Variants in DMXL2 observed in about 807,000 individuals in gnomAD.
DMXL2 encodes the protein dmX-like protein 2.
A neutral mutation model predicts 331.1 loss-of-function variants in DMXL2; 103 were observed. The ratio of observed to expected loss-of-function variants is 0.31; its 90% CI spans 0.27 to 0.37. The LOEUF (loss-of-function observed/expected upper bound fraction) is 0.37. DMXL2 is among the 10% of genes least tolerant of loss of function. The pLI is 1.00. For synonymous variants in DMXL2, 1,281 were observed against 1,252.1 expected, an observed-to-expected ratio of 1.02 and a Z score of -0.49; for missense variants, 3,171 against 3,642.9, an observed-to-expected ratio of 0.87 and a Z score of 3.33.
In DMXL2 at chr15:51,622,295, C is replaced by T. The variant is rs1437621492; in HGVS notation, c.87+164G>A. Among the ~76,000 whole-genome samples, 4 of 152,182 alleles carry T rather than the reference C, an allele frequency of 2.6e-5. No homozygotes were observed. In the East Asian group the frequency reaches 7.7e-4, roughly 29 times the overall value. On this transcript the variant is annotated intron_variant, in intron 1 of 43. Transcript: ENST00000560891. ...ACACCAGACGCAGGACCCACGGTCC[C>T]ACGGGTCCCAGGGGGAACTAAACCC... is the stretch of plus-strand genomic sequence containing the variant.
intron 13 of DMXL2, among the ~76,000 whole-genome samples, chr15:51,518,185 T>C (rs1318025956): frequency 6.6e-6 from 1 of 151,760 alleles, no homozygotes; most frequent in Admixed American, 6.6e-5. Context: ...ATATAAAAAT[T>C]AGTGGGGAGT....
At chr15:51,557,482 T>A (rs2141004457) in intron 6 of DMXL2, among the ~76,000 whole-genome samples, 1 of 152,200 alleles carries the variant, frequency 6.6e-6, no homozygotes, top group South Asian at 2.1e-4. Flanking sequence ...GTAATACCAA[T>A]CAGAATCATA....
Position 51,471,342 on chromosome 15 carries a change from G to A in DMXL2, c.7273C>T (p.Leu2425Phe). The change falls in exon 29 of 44, where the codon CTC becomes TTC. Residue 2425 changes from leucine to phenylalanine, a missense_variant. Transcript: ENST00000560891. ...TCTTTTACAGGCCTTCCAGGGACGA[G>A]CATTCTCATGTTAAATCTCCTACGG... ...KHRRRFNMRM[L>F]VPGRPVKDAT... 6 of 1,613,874 alleles carry A rather than the reference G, an allele frequency of 3.7e-6. No homozygotes were observed. The highest frequency in any genetic ancestry group is 5.1e-6 in the Non-Finnish European group (6 of 1,179,886).
At chr15:51,498,404 A>G in intron 18 of DMXL2, 148 bp downstream of exon 18, 1 of 698,142 alleles carries the variant, frequency 1.4e-6, no homozygotes, top group Non-Finnish European at 2.3e-6. Context: ...AACTGAGCAT[A>G]TTATATAATA....
At chr15:51,554,908 A>G (rs2049456417) in intron 6 of DMXL2, among the ~76,000 whole-genome samples, 1 of 152,206 alleles carries the variant, frequency 6.6e-6, no homozygotes. Flanking sequence ...CCATAATCCC[A>G]GCACTTTGGG....
At chr15:51,622,161 CG>C (rs1369259874) in intron 1 of DMXL2, among the ~76,000 whole-genome samples, 1 of 152,256 alleles carries the variant, frequency 6.6e-6, no homozygotes, top group Non-Finnish European at 1.5e-5. Flanking sequence ...CACCGCAGAC[CG>C]AAGGGCCGCC....
intron 6 of DMXL2, among the ~76,000 whole-genome samples, chr15:51,558,591 C>T (rs146227978): frequency 5.4e-4 from 82 of 152,220 alleles, no homozygotes; most frequent in African/African-American, 1.8e-3. Context: ...ACTACTAAAC[C>T]GCACATGATT....
intron 1 of DMXL2, among the ~76,000 whole-genome samples, chr15:51,618,645 A>T (rs2054439373): frequency 6.6e-6 from 1 of 152,178 alleles, no homozygotes; most frequent in African/African-American, 2.4e-5. Flanking sequence ...CAACATTCTA[A>T]GAGTGTCTGT....
intron 2 of DMXL2, among the ~76,000 whole-genome samples, chr15:51,573,008 A>G (rs2050774915): frequency 6.6e-6 from 1 of 152,264 alleles, no homozygotes; most frequent in Admixed American, 6.5e-5. Flanking sequence ...CTCTGTTTGC[A>G]GATGACATGA....
At chr15:51,617,934 T>G (rs1595779045) in intron 1 of DMXL2, among the ~76,000 whole-genome samples, 1 of 152,308 alleles carries the variant, frequency 6.6e-6, no homozygotes, top group South Asian at 2.1e-4. Flanking sequence ...ATTCACTTAC[T>G]GGTTGACACT....
chr15:51,559,372 T>C (rs1170155506), intron 6 of DMXL2, among the ~76,000 whole-genome samples: 2 of 152,118 alleles, frequency 1.3e-5, no homozygotes, highest in Non-Finnish European at 2.9e-5. Flanking sequence ...ACCCAATAAA[T>C]AAATGAAAAG....
At chr15:51,561,582 G>A (rs921652636) in intron 6 of DMXL2, among the ~76,000 whole-genome samples, 2 of 152,230 alleles carry the variant, frequency 1.3e-5, no homozygotes, top group African/African-American at 4.8e-5. Flanking sequence ...GGGCCTACAG[G>A]CAGCTTGCTC....
intron 1 of DMXL2, among the ~76,000 whole-genome samples, chr15:51,590,546 G>T (rs899631412): frequency 2.6e-5 from 4 of 151,714 alleles, no homozygotes; most frequent in African/African-American, 9.7e-5. Flanking sequence ...AAGGTAATCT[G>T]CCTTGACTAG....
At chr15:51,478,505 C>A (rs1234215141) in intron 25 of DMXL2, among the ~76,000 whole-genome samples, 158 bp from the exon 26 acceptor site, 1 of 152,142 alleles carries the variant, frequency 6.6e-6, no homozygotes, top group Non-Finnish European at 1.5e-5. Flanking sequence ...TCTAAAGTAA[C>A]TGTCACCCAC....
In DMXL2 at chr15:51,449,250, A is replaced by T. The variant is rs1005358227; in HGVS notation, c.8968-57T>A. 4.5e-6 allele frequency: 7 copies of T among 1,567,236 alleles called. No individual in the cohort carries two copies. The African/African-American group carries it at 6.8e-5, about 15-fold the overall frequency. ...TTACGAAAAGACCAAAAGCAAAAAC[A>T]TGGCCCTTCTGCTCCCTTGGCCCAA... is the stretch of plus-strand genomic sequence containing the variant. On this transcript the variant is annotated intron_variant, in intron 43 of 43. Coordinates refer to ENST00000560891, the MANE Select transcript of DMXL2 (RefSeq NM_001378457.1).
intron 2 of DMXL2, among the ~76,000 whole-genome samples, chr15:51,571,842 C>T (rs1420126611): frequency 1.3e-5 from 2 of 152,052 alleles, no homozygotes; most frequent in East Asian, 3.9e-4. Context: ...CAGGAAAGAT[C>T]TAAAATTGAC....
chr15:51,480,666 C>A lies in DMXL2; in HGVS notation c.6440G>T (p.Trp2147Leu). The A allele has an allele frequency of 6.2e-7, 1 of 1,612,848 alleles. No homozygotes were observed. The highest frequency in any genetic ancestry group is 8.5e-7 in the Non-Finnish European group (1 of 1,179,002). The part of the protein sequence containing the change: ...KREHAERRKS[W>L]LQKNQDLLRV... ...CAGGAGATCTTGGTTTTTCTGCAACCACGACTTTCGTCTTTCTGCATGCTC... is the reference window on the plus strand; with the variant it reads ...CAGGAGATCTTGGTTTTTCTGCAACAACGACTTTCGTCTTTCTGCATGCTC... The change falls in exon 24 of 44, where the codon TGG becomes TTG. Residue 2147 changes from tryptophan to leucine, a missense_variant. By Grantham distance (61) the Trp-to-Leu change is moderately conservative (BLOSUM62 -2). This residue lies in a region of DMXL2 where 197 missense variants were observed against 196.2 expected (regional missense o/e 1.00). Transcript: ENST00000560891.
At chr15:51,537,093 C>A (rs761389517) in intron 11 of DMXL2, among the ~76,000 whole-genome samples, 1 of 152,126 alleles carries the variant, frequency 6.6e-6, no homozygotes, top group African/African-American at 2.4e-5. Context: ...AAAATGACCA[C>A]AGCCACAGAT....
At chr15:51,459,256 A>C in intron 34 of DMXL2, 1 of 188,160 alleles carries the variant, frequency 5.3e-6, no homozygotes, top group East Asian at 1.3e-4. Context: ...GATACTTCGA[A>C]AGGAATAAAA....
Sources: allele counts gnomAD v4.1 joint callset (sites outside exome capture counted in the v4.1 genomes callset), GRCh38; gene constraint gnomAD v4.1.1; regional missense constraint gnomAD v4.1.1; transcripts MANE v1.5; gene names NCBI Gene and HGNC (gene_info 2026-07-23, HGNC 2026-07-21).